CGNL1: variants seen among roughly 807,000 people sequenced by gnomAD.
CGNL1 encodes the protein cingulin like 1.
Under a neutral mutation model 141.2 loss-of-function variants are expected in CGNL1, and 132 were observed. The ratio of observed to expected loss-of-function variants is 0.93; its 90% CI spans 0.81 to 1.08. The LOEUF is 1.08. Among genes scored for constraint, CGNL1 ranks in the 50% least tolerant of loss-of-function variants. The probability of loss-of-function intolerance (pLI) is 0.00; values close to 1 mark genes in which losing one functional copy is unlikely to be tolerated. For synonymous variants in CGNL1, 690 were observed against 622.1 expected (o/e 1.11, Z -1.63); for missense variants, 1,870 against 1,588.6 (o/e 1.18, Z -3.01).
chr15:57,479,557 G>T (rs1265858082), intron 8 of CGNL1, among the ~76,000 whole-genome samples: 1 of 152,172 alleles, frequency 6.6e-6, no homozygotes, highest in Non-Finnish European at 1.5e-5. Flanking sequence ...CTAGCTAGTT[G>T]GGAGGCTGAG....
intron 8 of CGNL1, among the ~76,000 whole-genome samples, chr15:57,467,858 T>C (rs915022697): frequency 9.9e-5 from 15 of 151,872 alleles, no homozygotes; most frequent in African/African-American, 3.6e-4. Context: ...CCCCGCTGAT[T>C]TTTACGTTTT....
chr15:57,446,688 AACAC>A (rs2063256902), intron 4 of CGNL1, among the ~76,000 whole-genome samples: 1 of 140,378 alleles, frequency 7.1e-6, no homozygotes, highest in Non-Finnish European at 1.5e-5. Context: ...TTTTTTTGTA[AACAC>A]ACTCACTCAT....
intron 1 of CGNL1, among the ~76,000 whole-genome samples, chr15:57,388,491 T>A (rs1303994256): frequency 6.6e-6 from 1 of 152,230 alleles, no homozygotes; most frequent in Non-Finnish European, 1.5e-5. Flanking sequence ...TCCGGGGTTC[T>A]GTTCTATGAA....
chr15:57,406,763 T>G (rs569983093), intron 1 of CGNL1, among the ~76,000 whole-genome samples: 47 of 152,334 alleles, frequency 3.1e-4, no homozygotes, highest in African/African-American at 1.1e-3. Context: ...CCAGAAAATT[T>G]GTAGTGAGTG....
rs927620230 is a variant in CGNL1 at position 57,468,117 on chromosome 15, G to A, written c.2403+6225G>A. ...GAAACAAGATCAGCCATGCATTGGT[G>A]TGTGTTAAAGCTGGGTAATGGGTAG... On this transcript the variant is annotated intron_variant, in intron 8 of 18. Transcript: ENST00000281282. Among the ~76,000 whole-genome samples the A allele has an allele frequency of 5.9e-5, 9 of 152,048 alleles. No homozygotes were observed. In the East Asian group the frequency reaches 1.2e-3, roughly 20 times the overall value.
chr15:57,543,934 G>T (rs563637451), intron 15 of CGNL1, among the ~76,000 whole-genome samples, 155 bp downstream of exon 15: 1 of 151,928 alleles, frequency 6.6e-6, no homozygotes, highest in Non-Finnish European at 1.5e-5. Flanking sequence ...TGTTTTTCCC[G>T]GTCATATGAA....
chr15:57,482,631 C>A (rs1040046685), intron 8 of CGNL1, among the ~76,000 whole-genome samples: 1 of 152,158 alleles, frequency 6.6e-6, no homozygotes, highest in African/African-American at 2.4e-5. Context: ...TATTCTGTTT[C>A]ATTGACCTGT....
intron 7 of CGNL1, among the ~76,000 whole-genome samples, chr15:57,455,449 G>A (rs144462165): frequency 5.9e-5 from 9 of 152,236 alleles, no homozygotes; most frequent in East Asian, 3.9e-4. Context: ...CTGATTTTCC[G>A]CAGTAACTGA....
chr15:57,548,191 G>A lies in CGNL1; in HGVS notation c.*701G>A, dbSNP rs1013414752. The A allele has an allele frequency of 2.0e-5, 3 of 152,072 alleles. No individual in the cohort carries two copies. The highest frequency in any genetic ancestry group is 6.6e-5 in the Admixed American group (1 of 15,264). 9.4% of individuals were successfully genotyped at this position (152,072 alleles called of 1,614,324 possible). A position where few individuals can be genotyped will look rare whatever the true frequency, so the allele number is the denominator to read the frequency against. On this transcript the variant is annotated 3_prime_UTR_variant, in exon 19 of 19. Coordinates refer to ENST00000281282, the MANE Select transcript of CGNL1 (RefSeq NM_032866.5). ...TAATTTTTTGTATTTAGTAGAGACGGGGTTTCACCATGTTGGTCAGGCTGG... is the reference window on the plus strand; with the variant it reads ...TAATTTTTTGTATTTAGTAGAGACGAGGTTTCACCATGTTGGTCAGGCTGG...
Position 57,516,976 on chromosome 15 carries a change from A to G in CGNL1, c.2600A>G (p.Lys867Arg), listed in dbSNP as rs1463958914. The change falls in exon 9 of 19, where the codon AAG (lysine) becomes AGG (arginine). Residue 867 changes from lysine (K) to arginine (R), a missense_variant. Coordinates refer to ENST00000281282, the MANE Select transcript of CGNL1 (RefSeq NM_032866.5). ...GDEAKAKETL[K>R]KYEGEIRQLE... The stretch of plus-strand genomic sequence containing the variant: ...GAAGCCAAGGCGAAGGAAACGCTGA[A>G]GAAGTACGAGGTGAGGCTCGCTGGG... 1 of 1,613,020 alleles carries G rather than the reference A, an allele frequency of 6.2e-7. No homozygotes were observed. Among genetic ancestry groups the G allele is most frequent in the Admixed American group, 1.7e-5 (1 of 59,984 alleles).
In CGNL1 at chr15:57,544,411, C is replaced by T. The variant is rs971593363; in HGVS notation, c.3376-62C>T. ...ACACCAGGTTCTGCCCCATATTCTT[C>T]GCTGCTCTGCACAGAGCGTGGCAGA... On this transcript the variant is annotated intron_variant, in intron 15 of 18. Coordinates refer to ENST00000281282, the MANE Select transcript of CGNL1 (RefSeq NM_032866.5). 7.5e-5 allele frequency: 119 copies of T among 1,592,844 alleles called. No individual in the cohort carries two copies. In the Admixed American group the frequency reaches 1.5e-3, roughly 21 times the overall value.
chr15:57,423,018 G>T (rs1332062714), intron 1 of CGNL1, among the ~76,000 whole-genome samples: 1 of 152,134 alleles, frequency 6.6e-6, no homozygotes, highest in East Asian at 1.9e-4. Flanking sequence ...GGCATGAATG[G>T]CTATGGGGGT....
intron 11 of CGNL1, 26 bp downstream of exon 11, chr15:57,523,667 A>T (rs1351569755): frequency 1.2e-6 from 2 of 1,612,156 alleles, no homozygotes; most frequent in Non-Finnish European, 1.7e-6. Context: ...AGGAAAGAGG[A>T]AGTAGGGCCA....
At chr15:57,517,904 C>A (rs1475219823) in intron 9 of CGNL1, among the ~76,000 whole-genome samples, 3 of 147,374 alleles carry the variant, frequency 2.0e-5, no homozygotes, top group African/African-American at 7.4e-5. Context: ...CCATCAGGAC[C>A]ACCTGGATAC....
At chr15:57,442,556 A>G in intron 4 of CGNL1, 78 bp downstream of exon 4, 2 of 863,646 alleles carry the variant, frequency 2.3e-6, no homozygotes, top group Non-Finnish European at 3.8e-6. Flanking sequence ...TTCAGTCTGT[A>G]TGTTTGTTTA....
rs541374383 is a variant in CGNL1, at chr15:57,503,897, G to A, written c.2404-12883G>A. Among the ~76,000 whole-genome samples the A allele has an allele frequency of 4.6e-4, 70 of 152,246 alleles. 2 individuals are homozygous for A. The South Asian group carries it at 0.012, about 25-fold the overall frequency. ...TTCCCCTGGGTCCCTCCCACAACAC[G>A]TGGGGATTCTGGGAGATACAATTCA... is the stretch of plus-strand genomic sequence containing the variant. On this transcript the variant is annotated intron_variant, in intron 8 of 18. Transcript: ENST00000281282.
At chr15:57,503,897 G>T (rs541374383) in intron 8 of CGNL1, among the ~76,000 whole-genome samples, 2 of 152,128 alleles carry the variant, frequency 1.3e-5, no homozygotes, top group African/African-American at 4.8e-5. Context: ...CCCACAACAC[G>T]TGGGGATTCT....
In CGNL1 at chr15:57,403,974, A is replaced by T. The variant is rs372524679; in HGVS notation, c.-16+27407A>T. ...CCTCCCATAGCACTGGCTGATGCTC[A>T]GAGCCAAGAGTTTGCTGCCCAGGGA... On this transcript the variant is annotated intron_variant, in intron 1 of 18. Coordinates refer to ENST00000281282, the MANE Select transcript of CGNL1 (RefSeq NM_032866.5). 2.6e-4 allele frequency among the ~76,000 whole-genome samples: 39 copies of T among 152,340 alleles called. No homozygotes were observed. The East Asian group carries it at 3.5e-3, about 14-fold the overall frequency.
intron 8 of CGNL1, among the ~76,000 whole-genome samples, chr15:57,488,537 T>A (rs1282076211): frequency 6.6e-6 from 1 of 152,150 alleles, no homozygotes; most frequent in Non-Finnish European, 1.5e-5. Flanking sequence ...AGGGACTGCT[T>A]CTACTGAAGG....
Sources: allele counts gnomAD v4.1 joint callset (sites outside exome capture counted in the v4.1 genomes callset), GRCh38; gene constraint gnomAD v4.1.1; transcripts MANE v1.5; gene names NCBI Gene and HGNC (gene_info 2026-07-23, HGNC 2026-07-21).